Variants in DAW1 observed in about 807,000 individuals in gnomAD.
DAW1 encodes dynein assembly factor with WD repeats 1, also known as dynein assembly factor with WD repeat domains 1.
DAW1 carries 47 observed loss-of-function variants against 56.5 expected under a neutral mutation model. The observed-to-expected ratio is 0.83, with a 90% CI of 0.66 to 1.06. DAW1 has a LOEUF of 1.06. DAW1 is among the 50% of genes least tolerant of loss of function. The pLI is 0.00. For missense variants in DAW1, 505 were observed against 499.3 expected (o/e 1.01, Z -0.11); for synonymous variants, 190 against 179.0 (o/e 1.06, Z -0.49).
rs1203919703 is a variant in DAW1 at position 227,921,566 on chromosome 2, G to A, written c.1213+5G>A. ...AAGGCAACATAGTCATTACAGGTAT[G>A]GAAGACATCAACACCATAGACTCAT... is the stretch of plus-strand genomic sequence containing the variant. On this transcript the variant is annotated splice_donor_5th_base_variant and intron_variant, in intron 12 of 12. Coordinates refer to ENST00000309931, the MANE Select transcript of DAW1 (RefSeq NM_178821.3). 1 of 1,612,136 alleles carries A rather than the reference G, an allele frequency of 6.2e-7. No homozygotes were observed. The highest frequency in any genetic ancestry group is 1.3e-5 in the African/African-American group (1 of 74,784).
intron 1 of DAW1, chr2:227,872,540 C>A (rs1387890722): frequency 1.3e-5 from 2 of 152,256 alleles, no homozygotes; most frequent in African/African-American, 2.4e-5. Context: ...ATAGAGATCT[C>A]ATGATTTCTT....
At chr2:227,918,921 G>A in intron 11 of DAW1, 65 bp downstream of exon 11, 6 of 1,485,614 alleles carry the variant, frequency 4.0e-6, no homozygotes, top group Middle Eastern at 1.7e-4. Context: ...GGGCCCAGGT[G>A]CAGTGCCTCA....
In DAW1 at chr2:227,893,838, A is replaced by C. The variant is rs1715828; in HGVS notation, c.361A>C (p.Thr121Pro). Residue 121 changes from threonine to proline, a missense_variant, in exon 5 of 13, where the codon ACT (threonine) becomes CCT (proline). Transcript: ENST00000309931. ...TGATCGGACGTGCAAGCTCTGGGAC[A>C]CTGCGTCTGGAGAGGAGCTGAACAC... Reference protein sequence around the residue: ...SYDRTCKLWDTASGEELNTLE... With the variant: ...SYDRTCKLWDPASGEELNTLE... 6.2e-7 allele frequency: 1 copy of C among 1,613,684 alleles called. No homozygotes were observed. The highest frequency in any genetic ancestry group is 1.1e-5 in the South Asian group (1 of 91,058).
chr2:227,913,560 A>G (rs141235146), intron 10 of DAW1, among the ~76,000 whole-genome samples: 2 of 152,276 alleles, frequency 1.3e-5, no homozygotes, highest in African/African-American at 4.8e-5. Context: ...GCATTCATGC[A>G]TGTCGTCTCC....
At chr2:227,908,894 G>A (rs756655494) in intron 10 of DAW1, among the ~76,000 whole-genome samples, 22 of 152,154 alleles carry the variant, frequency 1.4e-4, no homozygotes, top group Admixed American at 1.4e-3. Context: ...TGAAGATACA[G>A]ATGATGCTAA....
chr2:227,924,169 A>T lies in DAW1; in HGVS notation c.*201A>T. 1 of 624,904 alleles carries T rather than the reference A, an allele frequency of 1.6e-6. No homozygotes were observed. The highest frequency in any genetic ancestry group is 2.2e-5 in the South Asian group (1 of 45,346). The allele number at this position is 624,904 out of a possible 1,614,324, so 38.7% of individuals were successfully genotyped here. A position where few individuals can be genotyped will look rare whatever the true frequency, so the allele number is the denominator to read the frequency against. On this transcript the variant is annotated 3_prime_UTR_variant, in exon 13 of 13. Transcript: ENST00000309931. ...ACTCCAATATTATTATTTGATGGCG[A>T]TGGCAGGACACAGCATAATGTTTGG... is the stretch of plus-strand genomic sequence containing the variant.
Position 227,921,467 on chromosome 2 carries a change from T to C in DAW1, c.1119T>C (p.Asp373=). The C allele has an allele frequency of 6.2e-7, 1 of 1,614,062 alleles. No homozygotes were observed. The highest frequency in any genetic ancestry group is 8.5e-7 in the Non-Finnish European group (1 of 1,180,004). ...GSSDKTARIW[D]AQTGQCLQVL... is the part of the protein sequence containing the mutation. ...CTGACAAAACGGCTAGAATCTGGGA[T>C]GCTCAGACTGGCCAGTGCCTCCAGG... Residue 373 remains aspartate, a synonymous_variant, in exon 12 of 13, where the codon GAT becomes GAC. Coordinates refer to ENST00000309931, the MANE Select transcript of DAW1 (RefSeq NM_178821.3).
chr2:227,890,232 A>G (rs1691231129), intron 3 of DAW1, among the ~76,000 whole-genome samples: 1 of 152,214 alleles, frequency 6.6e-6, no homozygotes, highest in Non-Finnish European at 1.5e-5. Context: ...CTCTTCATAT[A>G]ATGATAAATT....
intron 2 of DAW1, chr2:227,887,602 AT>A (rs1691161523): frequency 6.6e-6 from 1 of 152,226 alleles, no homozygotes; most frequent in Non-Finnish European, 1.5e-5. Flanking sequence ...AAAACCACAG[AT>A]TTTTATATCT....
chr2:227,871,708 C>A lies in DAW1; in HGVS notation c.19C>A (p.Leu7Met). Reference protein sequence around the residue: MKLKSLLLRYYPPGIML... With the variant: MKLKSLMLRYYPPGIML... ...CAAGAAAATGAAGCTCAAGAGCCTC[C>A]TGCTCCGGTATTACCCGCCAGGTAC... Residue 7 changes from leucine (L) to methionine (M), a missense_variant, in exon 1 of 13, where the codon CTG (leucine) becomes ATG (methionine). Leu to Met is a conservative substitution (Grantham distance 15, BLOSUM62 2). Coordinates refer to ENST00000309931, the MANE Select transcript of DAW1 (RefSeq NM_178821.3). 1 of 1,613,954 alleles carries A rather than the reference C, an allele frequency of 6.2e-7. No homozygotes were observed. The highest frequency in any genetic ancestry group is 1.1e-5 in the South Asian group (1 of 91,042).
rs200142446 is a variant in DAW1, at chr2:227,871,675, T to C, written c.-15T>C. On this transcript the variant is annotated 5_prime_UTR_variant, in exon 1 of 13. Coordinates refer to ENST00000309931, the MANE Select transcript of DAW1 (RefSeq NM_178821.3). ...GGCTACGAAGCCCATCGGCCGGGGATAAGAGAGCAAGAAAATGAAGCTCAA... is the reference window on the plus strand; with the variant it reads ...GGCTACGAAGCCCATCGGCCGGGGACAAGAGAGCAAGAAAATGAAGCTCAA... 3.7e-6 allele frequency: 6 copies of C among 1,613,092 alleles called. No homozygotes were observed. Among genetic ancestry groups the C allele is most frequent in the Non-Finnish European group, 5.1e-6 (6 of 1,179,630 alleles).
intron 12 of DAW1, among the ~76,000 whole-genome samples, chr2:227,922,189 A>G (rs1692125829): frequency 6.6e-6 from 1 of 152,242 alleles, no homozygotes; most frequent in African/African-American, 2.4e-5. Context: ...AAGTGTTAGT[A>G]ACCAAAACAA....
intron 10 of DAW1, among the ~76,000 whole-genome samples, 162 bp downstream of exon 10, chr2:227,907,414 A>G (rs751705804): frequency 4.6e-5 from 7 of 152,194 alleles, no homozygotes; most frequent in Non-Finnish European, 8.8e-5. Context: ...GTGTGTCTAT[A>G]TCATATACCT....
chr2:227,876,788 A>G (rs535467866), intron 1 of DAW1, among the ~76,000 whole-genome samples: 2 of 152,354 alleles, frequency 1.3e-5, no homozygotes, highest in Non-Finnish European at 2.9e-5. Context: ...TTATTAATTC[A>G]TAAGCTCTTT....
intron 8 of DAW1, among the ~76,000 whole-genome samples, chr2:227,905,476 G>A (rs1252971810): frequency 3.3e-5 from 5 of 152,134 alleles, no homozygotes; most frequent in African/African-American, 1.2e-4. Flanking sequence ...TATTTGTGTT[G>A]GAAAACTCTA....
intron 1 of DAW1, among the ~76,000 whole-genome samples, chr2:227,882,164 A>G (rs192806762): frequency 5.9e-5 from 9 of 152,360 alleles, no homozygotes; most frequent in Admixed American, 5.2e-4. Flanking sequence ...TATCTGTTAT[A>G]TCAAACTATG....
chr2:227,892,187 C>T (rs1691281330), intron 4 of DAW1, among the ~76,000 whole-genome samples: 2 of 151,718 alleles, frequency 1.3e-5, no homozygotes, highest in African/African-American at 2.4e-5. Flanking sequence ...GGCTGGAGTG[C>T]AATGGCACGA....
intron 10 of DAW1, among the ~76,000 whole-genome samples, chr2:227,908,968 G>C (rs1203205176): frequency 6.6e-6 from 1 of 152,074 alleles, no homozygotes; most frequent in East Asian, 1.9e-4. Context: ...TTATCTATCT[G>C]ATGACCACAT....
rs1259704616 is a variant in DAW1, at chr2:227,903,008, T to C, written c.547T>C (p.Leu183=). Residue 183 remains leucine, a synonymous_variant, in exon 7 of 13, where the codon TTA becomes CTA. Transcript: ENST00000309931. Reference sequence around the variant, plus strand: ...CCCATTTTATGTAATTTAGGTGTGTTTATCATTTAACCCTCAAAGCACATT... The same window carrying C: ...CCCATTTTATGTAATTTAGGTGTGTCTATCATTTAACCCTCAAAGCACATT... ...FRGHTAEIVC[L]SFNPQSTLVA... 6.2e-7 allele frequency: 1 copy of C among 1,614,064 alleles called. No individual in the cohort carries two copies. The highest frequency in any genetic ancestry group is 1.7e-5 in the Admixed American group (1 of 60,014).
Sources: gnomAD v4.1 joint callset for allele counts (sites outside exome capture counted in the v4.1 genomes callset) on GRCh38, gnomAD v4.1.1 for gene constraint, MANE v1.5 for transcripts, NCBI Gene and HGNC (gene_info 2026-07-23, HGNC 2026-07-21) for gene names.